Variants in ANO3 observed in about 807,000 individuals in gnomAD.
The protein encoded by ANO3 is anoctamin 3.
ANO3 carries 99 observed loss-of-function variants against 144.8 expected under a neutral mutation model. The observed-to-expected ratio is 0.68, with a 90% CI of 0.58 to 0.81. ANO3 has a LOEUF of 0.81. Among genes scored for constraint, ANO3 ranks in the 30% least tolerant of loss-of-function variants. The pLI is 0.00. For missense variants in ANO3, 905 were observed against 1,202.2 expected (o/e 0.75, Z 3.66); for synonymous variants, 414 against 392.6 (o/e 1.05, Z -0.64).
chr11:26,291,703 A>G (rs1050066352), intron 1 of ANO3, among the ~76,000 whole-genome samples: 2 of 152,098 alleles, frequency 1.3e-5, no homozygotes, highest in African/African-American at 4.8e-5. Context: ...TCTGGGTTGA[A>G]ATTTCTTTTC....
chr11:26,270,791 C>A (rs1253935185), intron 1 of ANO3, among the ~76,000 whole-genome samples: 1 of 152,176 alleles, frequency 6.6e-6, no homozygotes, highest in Non-Finnish European at 1.5e-5. Flanking sequence ...GAATATTCTC[C>A]TTGACATATG....
rs932215313 is a variant in ANO3, at chr11:26,446,887, A to G, written c.313+3051A>G. On this transcript the variant is annotated intron_variant, in intron 3 of 26. Coordinates refer to ENST00000256737, the MANE Select transcript of ANO3 (RefSeq NM_031418.4). ...AATTCTGCTGGGCCCAGAGAGATCT[A>G]CAATAAACAGCTGTTTCTGTGATCA... Among the ~76,000 whole-genome samples the G allele has an allele frequency of 4.6e-5, 7 of 152,128 alleles. No homozygotes were observed. In the East Asian group the frequency reaches 1.4e-3, roughly 29 times the overall value.
rs17243566 is a variant in ANO3, at chr11:26,661,378, A to T, written c.*934A>T. On this transcript the variant is annotated 3_prime_UTR_variant, in exon 27 of 27. Transcript: ENST00000256737. ...ACGTTGGTTTTCCTTGTCCCTTTGC[A>T]CCTTGACAGTACGTAGTATACATTG... 4,757 of 152,590 alleles carry T rather than the reference A, an allele frequency of 0.031. 104 individuals carry two copies. Among genetic ancestry groups the T allele is most frequent in the Non-Finnish European group, 0.049 (3,344 of 67,984 alleles). The allele number at this position is 152,590 out of a possible 1,614,324, so 9.5% of individuals were successfully genotyped here.
At chr11:26,197,505 T>C (rs548310837) in intron 1 of ANO3, among the ~76,000 whole-genome samples, 10 of 152,092 alleles carry the variant, frequency 6.6e-5, no homozygotes, top group Non-Finnish European at 1.0e-4. Flanking sequence ...CATGCCACCA[T>C]GCCTGGCTAA....
intron 1 of ANO3, among the ~76,000 whole-genome samples, chr11:26,353,301 T>C (rs1855694080): frequency 6.6e-6 from 1 of 152,178 alleles, no homozygotes; most frequent in Admixed American, 6.5e-5. Context: ...TCAAATCCAG[T>C]GATACGTTTG....
At position 26,558,800 on chromosome 11, in the gene ANO3, G is replaced by A. The variant is rs533806538; in HGVS notation, c.1387-919G>A. On this transcript the variant is annotated intron_variant, in intron 13 of 26. Coordinates refer to ENST00000256737, the MANE Select transcript of ANO3 (RefSeq NM_031418.4). ...TAATGCTCCCATTGAGCACCCTCTG[G>A]ATGTCAGATTGAACAAGGAGGACAC... 3.3e-5 allele frequency among the ~76,000 whole-genome samples: 5 copies of A among 152,152 alleles called. 1 individual carries two copies. Among genetic ancestry groups the A allele is most frequent in the Admixed American group, 3.3e-4 (5 of 15,266 alleles).
chr11:26,295,515 CAAA>C lies in ANO3; in HGVS notation c.155-14107_155-14105del, dbSNP rs71047842. On this transcript the variant is annotated intron_variant, in intron 1 of 27. Coordinates refer to the ANO3 transcript ENST00000672621. ...TGGGCGATAGAGTGAGACTCTGTCT[CAAA>C]AAAAAAAAAAAAAAAAAAAAAATTA... Among the ~76,000 whole-genome samples the C allele has an allele frequency of 1.3e-3, 84 of 66,098 alleles. 2 individuals are homozygous for C. The highest frequency in any genetic ancestry group is 3.4e-3 in the African/African-American group (80 of 23,374). The allele number at this position is 66,098 out of a possible 152,430, so 43.4% of individuals were successfully genotyped here.
At chr11:26,629,187 G>GT (rs1190746053) in intron 18 of ANO3, among the ~76,000 whole-genome samples, 1 of 151,952 alleles carries the variant, frequency 6.6e-6, no homozygotes, top group Non-Finnish European at 1.5e-5. Context: ...ATCAGAATGG[G>GT]TAAAGCAACT....
chr11:26,399,109 T>A (rs974991603), intron 1 of ANO3, among the ~76,000 whole-genome samples: 1 of 151,954 alleles, frequency 6.6e-6, no homozygotes, highest in African/African-American at 2.4e-5. Context: ...AAACTCAAAC[T>A]GGCTCGAAAT....
At chr11:26,221,104 C>T (rs902042536) in intron 1 of ANO3, among the ~76,000 whole-genome samples, 6 of 152,182 alleles carry the variant, frequency 3.9e-5, no homozygotes, top group Admixed American at 3.9e-4. Flanking sequence ...CAGGACAGGT[C>T]TTGTTATGCT....
At chr11:26,193,346 T>C (rs1201733813) in intron 1 of ANO3, among the ~76,000 whole-genome samples, 2 of 152,010 alleles carry the variant, frequency 1.3e-5, no homozygotes, top group African/African-American at 4.8e-5. Flanking sequence ...TTCTCTGTGT[T>C]AGTCATGCTG....
At chr11:26,514,973 T>C (rs189217153) in intron 5 of ANO3, among the ~76,000 whole-genome samples, 13 of 152,150 alleles carry the variant, frequency 8.5e-5, no homozygotes, top group Non-Finnish European at 1.3e-4. Flanking sequence ...AGCTGGGTGA[T>C]ATATTTTTAA....
rs1352935016 is a variant in ANO3, at chr11:26,615,414, A to ATATATATATTTTTT, written c.1837-9047_1837-9046insATATATATTTTTTT. On this transcript the variant is annotated intron_variant, in intron 17 of 26. Coordinates refer to ENST00000256737, the MANE Select transcript of ANO3 (RefSeq NM_031418.4). ...TCAGTTTATATATATATATATATAT[A>ATATATATATTTTTT]TTTTTTTTTTTTCAGTTCCTCAATG... 5.5e-3 allele frequency among the ~76,000 whole-genome samples: 717 copies of ATATATATATTTTTT among 130,438 alleles called. 4 individuals are homozygous for ATATATATATTTTTT. Among genetic ancestry groups the ATATATATATTTTTT allele is most frequent in the African/African-American group, 0.019 (638 of 33,362 alleles). 85.6% of individuals were successfully genotyped at this position (130,438 alleles called of 152,430 possible).
intron 1 of ANO3, among the ~76,000 whole-genome samples, chr11:26,418,596 T>C (rs1857660204): frequency 6.6e-6 from 1 of 152,076 alleles, no homozygotes; most frequent in African/African-American, 2.4e-5. Flanking sequence ...CTGTAAGACT[T>C]TACATGTTAC....
intron 1 of ANO3, among the ~76,000 whole-genome samples, chr11:26,378,638 C>T (rs1026593904): frequency 1.6e-4 from 24 of 151,816 alleles, no homozygotes; most frequent in South Asian, 4.2e-4. Flanking sequence ...TAGCTCTGAG[C>T]GGTTTCAATT....
At chr11:26,564,278 A>G (rs528520594) in intron 14 of ANO3, among the ~76,000 whole-genome samples, 1 of 151,796 alleles carries the variant, frequency 6.6e-6, no homozygotes, top group South Asian at 2.1e-4. Flanking sequence ...TAGTGGTATT[A>G]TAAAAAGCCT....
chr11:26,510,225 C>T (rs551477528), intron 5 of ANO3, among the ~76,000 whole-genome samples: 2 of 151,544 alleles, frequency 1.3e-5, no homozygotes, highest in East Asian at 3.9e-4. Flanking sequence ...ACAAACACAT[C>T]ATGACTTGAC....
chr11:26,543,299 T>C (rs1429950540), intron 11 of ANO3, among the ~76,000 whole-genome samples: 1 of 151,942 alleles, frequency 6.6e-6, no homozygotes, highest in African/African-American at 2.4e-5. Flanking sequence ...GCACATTCAG[T>C]GGTTCAACAA....
At position 26,528,548 on chromosome 11, in the gene ANO3, G is replaced by A. The variant is rs746042164; in HGVS notation, c.738-2657G>A. 2.0e-5 allele frequency among the ~76,000 whole-genome samples: 3 copies of A among 152,250 alleles called. No individual in the cohort carries two copies. The South Asian group carries it at 6.2e-4, about 32-fold the overall frequency. On this transcript the variant is annotated intron_variant, in intron 7 of 26. Transcript: ENST00000256737. ...AGTCAGAGCAACTAGAGCCTTGGGT[G>A]CTGTAGCCTGTCAGCATTTTCTAAG...
Sources: gnomAD v4.1 joint callset for allele counts (sites outside exome capture counted in the v4.1 genomes callset) on GRCh38, gnomAD v4.1.1 for gene constraint, MANE v1.5 for transcripts, NCBI Gene and HGNC (gene_info 2026-07-23, HGNC 2026-07-21) for gene names.